RUFY3: variants seen among roughly 807,000 people sequenced by gnomAD.
RUFY3 encodes the protein protein RUFY3.
A neutral mutation model predicts 84.0 loss-of-function variants in RUFY3; 34 were observed. The observed-to-expected ratio is 0.40, with a 90% CI of 0.31 to 0.54. RUFY3 has a LOEUF of 0.54. RUFY3 is among the 20% of genes least tolerant of loss of function. The probability of loss-of-function intolerance (pLI) is 0.39; values close to 1 mark genes in which losing one functional copy is unlikely to be tolerated. For synonymous variants in RUFY3, 242 were observed against 252.9 expected, an observed-to-expected ratio of 0.96 and a Z score of 0.41; for missense variants, 507 against 736.8, an observed-to-expected ratio of 0.69 and a Z score of 3.61.
At chr4:70,766,446 C>T (rs549526677) in intron 4 of RUFY3, among the ~76,000 whole-genome samples, 29 of 152,046 alleles carry the variant, frequency 1.9e-4, no homozygotes, top group African/African-American at 6.5e-4. Flanking sequence ...GGTTTCACCA[C>T]GTTGGCCAGG....
chr4:70,741,566 T>C, intron 1 of RUFY3: 1 of 1,428,858 alleles, frequency 7.0e-7, no homozygotes, highest in Non-Finnish European at 9.4e-7. Context: ...AATAGCACTT[T>C]TCTTTCTGGG....
At position 70,722,077 on chromosome 4, in the gene RUFY3, C is replaced by G; in HGVS notation, c.-497C>G. The stretch of plus-strand genomic sequence containing the variant: ...GATCCTGGAAGTGATTTCTGCAGCT[C>G]AGGATTTTTTTTTTAAGCTACATTG... On this transcript the variant is annotated 5_prime_UTR_variant, in exon 1 of 18. Transcript: ENST00000381006. The G allele has an allele frequency of 1.6e-6, 2 of 1,232,010 alleles. No homozygotes were observed. The highest frequency in any genetic ancestry group is 2.0e-6 in the Non-Finnish European group (2 of 987,918). 76.3% of individuals were successfully genotyped at this position (1,232,010 alleles called of 1,614,324 possible). A position where few individuals can be genotyped will look rare whatever the true frequency, so the allele number is the denominator to read the frequency against.
chr4:70,784,669 T>C, intron 9 of RUFY3, 127 bp from the exon 10 acceptor site: 1 of 490,024 alleles, frequency 2.0e-6, no homozygotes. Flanking sequence ...TCAATTTCTT[T>C]GTTGTGTTTG....
chr4:70,759,356 T>TTGTGTGTG (rs1553911985), intron 1 of RUFY3, among the ~76,000 whole-genome samples: 1 of 119,910 alleles, frequency 8.3e-6, no homozygotes, highest in African/African-American at 3.2e-5. Flanking sequence ...ATGGCTGAAT[T>TTGTGTGTG]TGTGTGTGTG....
At chr4:70,705,343 G>T in intron 1 of RUFY3, 9 of 1,257,144 alleles carry the variant, frequency 7.2e-6, no homozygotes, top group Non-Finnish European at 8.1e-6. Context: ...GGAGCATTCG[G>T]CTGGGGAGGG....
In RUFY3 at chr4:70,775,216, A is replaced by G. The variant is rs1447931012; in HGVS notation, c.807A>G (p.Glu269=). 1.9e-6 allele frequency: 3 copies of G among 1,594,662 alleles called. No individual in the cohort carries two copies. The highest frequency in any genetic ancestry group is 2.6e-6 in the Non-Finnish European group (3 of 1,166,576). ...AILDQKNYVE[E]LNRHLNATVN... The stretch of plus-strand genomic sequence containing the variant: ...TGGACCAGAAGAACTATGTAGAAGA[A>G]CTGAACAGACATTTGAAGTAAATAA... Residue 269 remains glutamate, a synonymous_variant, in exon 7 of 18, where the codon GAA becomes GAG. Transcript: ENST00000381006.
At chr4:70,774,644 A>AAATATATATAT (rs1553916771) in intron 6 of RUFY3, among the ~76,000 whole-genome samples, 5 of 56,678 alleles carry the variant, frequency 8.8e-5, no homozygotes, top group African/African-American at 4.2e-4. Context: ...AAAAAAAAAA[A>AAATATATATAT]ATATATATAT....
At chr4:70,738,461 G>A (rs1353937882) in intron 1 of RUFY3, among the ~76,000 whole-genome samples, 1 of 144,414 alleles carries the variant, frequency 6.9e-6, no homozygotes, top group African/African-American at 2.6e-5. Context: ...CTCCCGGGTT[G>A]AAGCAATTAT....
rs139900678 is a variant in RUFY3, at chr4:70,724,060, G to A, written c.178+1309G>A. 3.0e-3 allele frequency among the ~76,000 whole-genome samples: 454 copies of A among 152,274 alleles called. 4 individuals carry two copies. Among genetic ancestry groups the A allele is most frequent in the African/African-American group, 0.01 (432 of 41,558 alleles). On this transcript the variant is annotated intron_variant, in intron 1 of 17. Transcript: ENST00000381006. ...GTTAATTAGACAGCTTTCTTTGGCT[G>A]TATGTTTCGTTATGTGCACAAGTTA...
At chr4:70,749,523 GTT>G (rs11333991) in intron 1 of RUFY3, among the ~76,000 whole-genome samples, 310 of 139,406 alleles carry the variant, frequency 2.2e-3, no homozygotes, top group Non-Finnish European at 3.3e-3. Flanking sequence ...CATCAAAAGG[GTT>G]TTTTTTTTTT....
rs1731140693 is a variant in RUFY3, at chr4:70,793,644, C to A, written c.1338-141C>A. On this transcript the variant is annotated intron_variant, in intron 12 of 17. Coordinates refer to ENST00000381006, the MANE Select transcript of RUFY3 (RefSeq NM_001037442.4). ...CTTTTCCCCCCCATAATTTCTTCAC[C>A]TGTGTCCTGCAAAGTTTTTTTCCTC... 29 of 1,526,654 alleles carry A rather than the reference C, an allele frequency of 1.9e-5. 1 individual carries two copies. The South Asian group carries it at 3.2e-4, about 17-fold the overall frequency. 94.6% of individuals were successfully genotyped at this position (1,526,654 alleles called of 1,614,324 possible).
intron 1 of RUFY3, among the ~76,000 whole-genome samples, chr4:70,727,833 T>A (rs1189169563): frequency 6.6e-6 from 1 of 151,934 alleles, no homozygotes. Context: ...CCAATACATG[T>A]TATGTATACG....
chr4:70,710,528 G>T lies in RUFY3; in HGVS notation c.358+5234G>T, dbSNP rs150195936. Among the ~76,000 whole-genome samples, 8 of 151,458 alleles carry T rather than the reference G, an allele frequency of 5.3e-5. 1 individual carries two copies. Among genetic ancestry groups the T allele is most frequent in the African/African-American group, 1.9e-4 (8 of 41,342 alleles). On this transcript the variant is annotated intron_variant, in intron 1 of 11. Transcript: ENST00000417478. ...TCTACTAAAAATACAAAATTAGCTG[G>T]GCATGGTGACGCACACCTGTGATCC...
At position 70,722,143 on chromosome 4, in the gene RUFY3, T is replaced by A. The variant is rs1297638402; in HGVS notation, c.-431T>A. ...TTTTTGTTCAGGTTTTTCTTTTATA[T>A]TTTTTTTCTGCACAAAGGAGGAGGA... is the stretch of plus-strand genomic sequence containing the variant. On this transcript the variant is annotated 5_prime_UTR_variant, in exon 1 of 18. Coordinates refer to ENST00000381006, the MANE Select transcript of RUFY3 (RefSeq NM_001037442.4). 4.1e-5 allele frequency: 51 copies of A among 1,230,678 alleles called. No homozygotes were observed. Among genetic ancestry groups the A allele is most frequent in the Non-Finnish European group, 5.0e-5 (49 of 987,194 alleles). The allele number at this position is 1,230,678 out of a possible 1,614,324, so 76.2% of individuals were successfully genotyped here.
At chr4:70,775,263 T>C in intron 7 of RUFY3, 30 bp downstream of exon 7, 2 of 1,400,158 alleles carry the variant, frequency 1.4e-6, no homozygotes, top group Non-Finnish European at 2.0e-6. Context: ...ATTACTTTAC[T>C]GGGGAATTGT....
chr4:70,764,629 TA>T, intron 4 of RUFY3, 53 bp downstream of exon 4: 1 of 1,074,900 alleles, frequency 9.3e-7, no homozygotes. Context: ...CTACATCGTA[TA>T]AAGTCAAACC....
chr4:70,788,426 C>T (rs1456144119), intron 10 of RUFY3, among the ~76,000 whole-genome samples: 1 of 152,138 alleles, frequency 6.6e-6, no homozygotes, highest in Non-Finnish European at 1.5e-5. Context: ...TTTAGGAGGA[C>T]TGCAACTGCT....
chr4:70,735,126 A>G (rs1163220029), intron 1 of RUFY3, among the ~76,000 whole-genome samples: 3 of 152,226 alleles, frequency 2.0e-5, no homozygotes, highest in East Asian at 1.9e-4. Flanking sequence ...CTGAGTACCA[A>G]CCAAGATCTG....
chr4:70,801,886 C>G (rs1022210560), intron 15 of RUFY3, among the ~76,000 whole-genome samples: 7 of 152,162 alleles, frequency 4.6e-5, no homozygotes, highest in African/African-American at 1.4e-4. Context: ...AGCCTCGTTC[C>G]AAACTAAAAT....
Sources: gnomAD v4.1 joint callset for allele counts (sites outside exome capture counted in the v4.1 genomes callset) on GRCh38, gnomAD v4.1.1 for gene constraint, MANE v1.5 for transcripts, NCBI Gene and HGNC (gene_info 2026-07-23, HGNC 2026-07-21) for gene names.